The following EXOC4 variants were observed in gnomAD, a reference collection of about 807,000 sequenced individuals.
The protein encoded by EXOC4 is exocyst complex component 4.
Under a neutral mutation model 107.2 loss-of-function variants are expected in EXOC4, and 71 were observed. The ratio of observed to expected loss-of-function variants is 0.66; its 90% confidence interval spans 0.55 to 0.81. EXOC4 has a LOEUF of 0.81. Ranked by LOEUF, EXOC4 falls within the 30% of genes least tolerant of loss-of-function variation. EXOC4 has a pLI of 0.00. For synonymous variants in EXOC4, 456 were observed against 441.2 expected (o/e 1.03, Z -0.42); for missense variants, 1,108 against 1,189.6 (o/e 0.93, Z 1.01).
At chr7:134,084,744 C>T in the EXOC4 span, among the ~76,000 whole-genome samples, 9 of 145,154 alleles carry the variant, frequency 6.2e-5, no homozygotes, top group African/African-American at 2.4e-4. Flanking sequence ...ACCAAAAGGA[C>T]AGCCTCCCCA....
At chr7:133,643,628 T>C (rs1251870733) in intron 10 of EXOC4, among the ~76,000 whole-genome samples, 1 of 152,134 alleles carries the variant, frequency 6.6e-6, no homozygotes, top group Non-Finnish European at 1.5e-5. Context: ...ATAATACAAC[T>C]ATCCTTTGTA....
chr7:133,517,117 G>A (rs1799891915), intron 9 of EXOC4, among the ~76,000 whole-genome samples: 1 of 152,044 alleles, frequency 6.6e-6, no homozygotes, highest in Admixed American at 6.6e-5. Context: ...TTATTTAAAA[G>A]ACAAATATTT....
At chr7:133,726,670 T>A (rs959337073) in intron 10 of EXOC4, among the ~76,000 whole-genome samples, 1 of 152,256 alleles carries the variant, frequency 6.6e-6, no homozygotes, top group Non-Finnish European at 1.5e-5. Context: ...TGAAATCTTA[T>A]CCCTCTACTA....
chr7:133,908,645 G>A (rs746975103), intron 12 of EXOC4, among the ~76,000 whole-genome samples: 6 of 152,188 alleles, frequency 3.9e-5, no homozygotes, highest in Non-Finnish European at 8.8e-5. Context: ...ACCACGCAGG[G>A]TGGTTGTGAG....
chr7:134,061,336 T>A (rs1432662393), intron 17 of EXOC4, among the ~76,000 whole-genome samples: 2 of 152,210 alleles, frequency 1.3e-5, no homozygotes, highest in Non-Finnish European at 2.9e-5. Flanking sequence ...CACAAACCTT[T>A]TATTGCTTCT....
chr7:133,922,204 G>C (rs912676553), intron 13 of EXOC4, among the ~76,000 whole-genome samples: 11 of 152,106 alleles, frequency 7.2e-5, no homozygotes, highest in Non-Finnish European at 2.9e-5. Context: ...AGTCACAACT[G>C]TGCCAATTTT....
chr7:133,968,169 T>G (rs1801114635), intron 14 of EXOC4, among the ~76,000 whole-genome samples: 1 of 151,918 alleles, frequency 6.6e-6, no homozygotes, highest in Non-Finnish European at 1.5e-5. Context: ...CTTTTTTTTC[T>G]CTTTTTTTGC....
intron 10 of EXOC4, among the ~76,000 whole-genome samples, chr7:133,731,323 G>A (rs1459761101): frequency 6.6e-6 from 1 of 151,976 alleles, no homozygotes. Flanking sequence ...AATGCTACCC[G>A]TTAACCAATA....
At chr7:133,951,606 G>C (rs1197610045) in intron 14 of EXOC4, among the ~76,000 whole-genome samples, 1 of 152,144 alleles carries the variant, frequency 6.6e-6, no homozygotes. Context: ...CCTGTTGATA[G>C]CTGGGTCATT....
chr7:133,755,049 G>C (rs1306854431), intron 10 of EXOC4, among the ~76,000 whole-genome samples: 1 of 150,894 alleles, frequency 6.6e-6, no homozygotes, highest in Non-Finnish European at 1.5e-5. Flanking sequence ...TATCAACTTA[G>C]TCTATTTAAA....
intron 10 of EXOC4, among the ~76,000 whole-genome samples, chr7:133,816,781 G>C (rs995336708): frequency 9.2e-5 from 14 of 152,160 alleles, no homozygotes; most frequent in African/African-American, 3.4e-4. Context: ...TCACGGTAGG[G>C]TTCATGCTTC....
intron 11 of EXOC4, among the ~76,000 whole-genome samples, chr7:133,822,495 T>C (rs1290638682): frequency 1.3e-5 from 2 of 152,214 alleles, no homozygotes; most frequent in Non-Finnish European, 2.9e-5. Flanking sequence ...TCTTCCTCTA[T>C]CACCAATGGA....
chr7:134,027,648 CT>C (rs1452106549), intron 17 of EXOC4, among the ~76,000 whole-genome samples: 2 of 97,010 alleles, frequency 2.1e-5, no homozygotes, highest in Non-Finnish European at 4.0e-5. Flanking sequence ...CAGAGAGAGA[CT>C]CCATCTCAAA....
intron 7 of EXOC4, among the ~76,000 whole-genome samples, chr7:133,429,706 A>T (rs2150773138): frequency 6.6e-6 from 1 of 152,354 alleles, no homozygotes; most frequent in South Asian, 2.1e-4. Flanking sequence ...ATCATACAGT[A>T]TGTGGCCTTT....
At chr7:133,297,683 A>AT (rs1794549320) in intron 3 of EXOC4, among the ~76,000 whole-genome samples, 1 of 152,226 alleles carries the variant, frequency 6.6e-6, no homozygotes, top group Non-Finnish European at 1.5e-5. Context: ...ATAAAGCAGT[A>AT]TAAAAATTTA....
At chr7:133,681,284 A>G (rs930367355) in intron 10 of EXOC4, among the ~76,000 whole-genome samples, 2 of 152,234 alleles carry the variant, frequency 1.3e-5, no homozygotes, top group Admixed American at 1.3e-4. Flanking sequence ...AGTAGAGAGC[A>G]TAAAGTCTCT....
At chr7:133,807,817 T>A (rs967356909) in intron 10 of EXOC4, among the ~76,000 whole-genome samples, 3 of 152,186 alleles carry the variant, frequency 2.0e-5, no homozygotes, top group Non-Finnish European at 2.9e-5. Context: ...CTTAAAAAAT[T>A]TAACAGCTGT....
chr7:133,789,861 A>G (rs1054973559), intron 10 of EXOC4, among the ~76,000 whole-genome samples: 3 of 150,022 alleles, frequency 2.0e-5, no homozygotes, highest in Non-Finnish European at 4.5e-5. Context: ...GCCATATTAT[A>G]CTGACTTACT....
At chr7:133,717,964 G>A (rs892021858) in intron 10 of EXOC4, among the ~76,000 whole-genome samples, 3 of 152,122 alleles carry the variant, frequency 2.0e-5, no homozygotes, top group Non-Finnish European at 4.4e-5. Flanking sequence ...AGAGGGAATG[G>A]GACTTTAGCT....
Sources: gnomAD v4.1 joint callset for allele counts (sites outside exome capture counted in the v4.1 genomes callset) on GRCh38, gnomAD v4.1.1 for gene constraint, MANE v1.5 for transcripts, NCBI Gene and HGNC (gene_info 2026-07-23, HGNC 2026-07-21) for gene names.